The following ATXN7L1 variants were observed in gnomAD, a reference collection of about 807,000 sequenced individuals.
The protein encoded by ATXN7L1 is ataxin 7 like 1.
In ATXN7L1, 15 loss-of-function variants were observed where a neutral mutation model predicts 70.8. The observed-to-expected ratio is 0.21, with a 90% CI of 0.14 to 0.33. The LOEUF is 0.33. Among genes scored for constraint, ATXN7L1 ranks in the 10% least tolerant of loss-of-function variants. The probability of loss-of-function intolerance (pLI) is 1.00; values close to 1 mark genes in which losing one functional copy is unlikely to be tolerated. For synonymous variants in ATXN7L1, 440 were observed against 445.1 expected (o/e 0.99, Z 0.14); for missense variants, 975 against 1,097.1 (o/e 0.89, Z 1.57).
chr7:105,791,411 G>A (rs1017776961), intron 2 of ATXN7L1, among the ~76,000 whole-genome samples: 16 of 152,312 alleles, frequency 1.1e-4, no homozygotes, highest in African/African-American at 3.8e-4. Context: ...TGGGAAGAGA[G>A]GCTGAGACAA....
chr7:105,639,210 C>T (rs1367773444), intron 6 of ATXN7L1, among the ~76,000 whole-genome samples: 1 of 152,136 alleles, frequency 6.6e-6, no homozygotes, highest in Non-Finnish European at 1.5e-5. Context: ...GCTTTAGAAC[C>T]GCCTGTGAGT....
chr7:105,825,965 T>G (rs1810809281), intron 2 of ATXN7L1, among the ~76,000 whole-genome samples: 1 of 152,182 alleles, frequency 6.6e-6, no homozygotes, highest in Non-Finnish European at 1.5e-5. Flanking sequence ...GGTGGAGATG[T>G]GTGACAGCCA....
At chr7:105,819,152 T>G (rs962108544) in intron 2 of ATXN7L1, among the ~76,000 whole-genome samples, 4 of 151,900 alleles carry the variant, frequency 2.6e-5, no homozygotes, top group African/African-American at 7.2e-5. Flanking sequence ...TCTGTCCTTG[T>G]GATAGTTTGC....
At chr7:105,802,403 T>C (rs2116517984) in intron 2 of ATXN7L1, among the ~76,000 whole-genome samples, 1 of 152,174 alleles carries the variant, frequency 6.6e-6, no homozygotes, top group South Asian at 2.1e-4. Flanking sequence ...CAGCTGCCTT[T>C]TAAAAGGTCA....
At chr7:105,844,337 T>C (rs1241529401) in intron 2 of ATXN7L1, among the ~76,000 whole-genome samples, 4 of 152,108 alleles carry the variant, frequency 2.6e-5, no homozygotes, top group African/African-American at 7.2e-5. Context: ...TCCAACAAGA[T>C]ACTAGCAAAC....
chr7:105,846,170 T>C (rs1488472099), intron 2 of ATXN7L1, among the ~76,000 whole-genome samples: 1 of 152,136 alleles, frequency 6.6e-6, no homozygotes, highest in Non-Finnish European at 1.5e-5. Flanking sequence ...TAATTTCTTA[T>C]ACATATCCAG....
At chr7:105,777,940 T>C (rs1248919889) in intron 3 of ATXN7L1, among the ~76,000 whole-genome samples, 3 of 152,234 alleles carry the variant, frequency 2.0e-5, no homozygotes, top group Non-Finnish European at 4.4e-5. Context: ...GGGACACTCT[T>C]GTGACAGCTT....
chr7:105,837,608 G>A (rs1812589768), intron 2 of ATXN7L1, among the ~76,000 whole-genome samples: 1 of 152,144 alleles, frequency 6.6e-6, no homozygotes, highest in East Asian at 1.9e-4. Flanking sequence ...AGATTCACTT[G>A]GCATAGATGT....
At chr7:105,681,745 T>C (rs1035949021) in intron 3 of ATXN7L1, among the ~76,000 whole-genome samples, 1 of 152,130 alleles carries the variant, frequency 6.6e-6, no homozygotes, top group African/African-American at 2.4e-5. Context: ...TGGACAAACT[T>C]TGGGGACACT....
At chr7:105,662,248 G>A (rs1801830956) in intron 4 of ATXN7L1, among the ~76,000 whole-genome samples, 2 of 151,868 alleles carry the variant, frequency 1.3e-5, no homozygotes, top group South Asian at 2.1e-4. Flanking sequence ...GATTACAGGT[G>A]TGTGCCACCA....
At chr7:105,786,313 T>A (rs1403671245) in intron 3 of ATXN7L1, among the ~76,000 whole-genome samples, 1 of 152,186 alleles carries the variant, frequency 6.6e-6, no homozygotes, top group Non-Finnish European at 1.5e-5. Flanking sequence ...TTGGCTCTTA[T>A]GCCAAGAGCC....
chr7:105,647,429 C>T (rs1319176857), intron 4 of ATXN7L1, among the ~76,000 whole-genome samples: 1 of 152,218 alleles, frequency 6.6e-6, no homozygotes, highest in Non-Finnish European at 1.5e-5. Flanking sequence ...GAGTGGATCA[C>T]CTGAGGTCAG....
chr7:105,707,844 T>C lies in ATXN7L1; in HGVS notation c.356-42556A>G, dbSNP rs943121221. On this transcript the variant is annotated intron_variant, in intron 3 of 11. Coordinates refer to ENST00000419735, the MANE Select transcript of ATXN7L1 (RefSeq NM_020725.2). ...ATCATTGCCCATCACTCTGATTTAA[T>C]GGCTAGAAGCTCAACAGCTCTAACA... 1.1e-4 allele frequency among the ~76,000 whole-genome samples: 17 copies of C among 152,256 alleles called. 1 individual carries two copies. The highest frequency in any genetic ancestry group is 8.5e-4 in the Admixed American group (13 of 15,282).
chr7:105,727,787 T>C (rs866120974), intron 3 of ATXN7L1, among the ~76,000 whole-genome samples: 1,164 of 99,696 alleles, frequency 0.012, 42 homozygotes, highest in African/African-American at 0.038. Context: ...TACACACACA[T>C]ACACACATAT....
chr7:105,829,503 G>C (rs1585102067), intron 2 of ATXN7L1, among the ~76,000 whole-genome samples: 1 of 152,208 alleles, frequency 6.6e-6, no homozygotes, highest in Admixed American at 6.5e-5. Flanking sequence ...TTCCCACTCA[G>C]AGAGAAAGCT....
intron 2 of ATXN7L1, among the ~76,000 whole-genome samples, chr7:105,848,717 A>G (rs934087251): frequency 6.6e-6 from 1 of 152,234 alleles, no homozygotes; most frequent in Non-Finnish European, 1.5e-5. Flanking sequence ...CAGTGATCAC[A>G]TATCACTTTT....
intron 2 of ATXN7L1, among the ~76,000 whole-genome samples, chr7:105,866,594 C>T (rs984872015): frequency 8.5e-5 from 13 of 152,140 alleles, no homozygotes; most frequent in African/African-American, 3.1e-4. Context: ...CCTCAGGGTC[C>T]AAATCCAGGT....
chr7:105,727,254 C>A lies in ATXN7L1; in HGVS notation c.355+61350G>T, dbSNP rs547830767. Among the ~76,000 whole-genome samples, 16 of 152,314 alleles carry A rather than the reference C, an allele frequency of 1.1e-4. No individual in the cohort carries two copies. The South Asian group carries it at 3.1e-3, about 30-fold the overall frequency. The stretch of plus-strand genomic sequence containing the variant: ...GGGGGGAAAATGTAACCAACACTTT[C>A]ATTCTATGGAATATTACTCACGAAG... On this transcript the variant is annotated intron_variant, in intron 3 of 11. Transcript: ENST00000419735.
chr7:105,672,397 T>G (rs1292571980), intron 3 of ATXN7L1, among the ~76,000 whole-genome samples: 1 of 152,256 alleles, frequency 6.6e-6, no homozygotes, highest in Non-Finnish European at 1.5e-5. Context: ...CAACTAACAT[T>G]ATTCTGCATA....
Sources: allele counts gnomAD v4.1 joint callset (sites outside exome capture counted in the v4.1 genomes callset), GRCh38; gene constraint gnomAD v4.1.1; transcripts MANE v1.5; gene names NCBI Gene and HGNC (gene_info 2026-07-23, HGNC 2026-07-21).